GPCPD1: variants seen among roughly 807,000 people sequenced by gnomAD.
The protein encoded by GPCPD1 is glycerophosphocholine phosphodiesterase GPCPD1.
Under a neutral mutation model 89.2 loss-of-function variants are expected in GPCPD1, and 29 were observed. The observed-to-expected ratio is 0.33, with a 90% confidence interval of 0.24 to 0.44. The LOEUF (loss-of-function observed/expected upper bound fraction) is 0.44. Among genes scored for constraint, GPCPD1 ranks in the 20% least tolerant of loss-of-function variants. The probability of loss-of-function intolerance (pLI) is 1.00; values close to 1 mark genes in which losing one functional copy is unlikely to be tolerated. For missense variants in GPCPD1, 594 were observed against 808.9 expected (o/e 0.73, Z 3.22); for synonymous variants, 258 against 266.3 (o/e 0.97, Z 0.30).
chr20:5,579,434 G>A (rs1236063379), intron 7 of GPCPD1, among the ~76,000 whole-genome samples: 7 of 152,016 alleles, frequency 4.6e-5, no homozygotes, highest in African/African-American at 1.7e-4. Flanking sequence ...TGCAACTTCC[G>A]CCTTCCGGGT....
chr20:5,586,821 A>G (rs1354412316), intron 4 of GPCPD1, among the ~76,000 whole-genome samples: 6 of 152,238 alleles, frequency 3.9e-5, no homozygotes, highest in Admixed American at 3.9e-4. Context: ...AGTGAAAAAC[A>G]GGAAGATTTC....
chr20:5,603,244 G>A (rs150966907), intron 2 of GPCPD1, among the ~76,000 whole-genome samples: 8 of 152,212 alleles, frequency 5.3e-5, no homozygotes, highest in African/African-American at 1.9e-4. Context: ...AGTGAGCTGG[G>A]ATCGCATCAC....
intron 3 of GPCPD1, among the ~76,000 whole-genome samples, chr20:5,594,318 C>A (rs1200374297): frequency 6.6e-6 from 1 of 151,478 alleles, no homozygotes; most frequent in Non-Finnish European, 1.5e-5. Flanking sequence ...GAGACGGAGT[C>A]TTGCTCTGTC....
chr20:5,570,187 A>C lies in GPCPD1; in HGVS notation c.1109T>G (p.Val370Gly). ...DVHLSKDFVP[V>G]VYHDLTCCLT... Reference sequence around the variant, plus strand: ...ACAACAGGTAAGATCATGATATACCACGGGCACAAAGTCCTTTGAAAGGTG... The same window carrying C: ...ACAACAGGTAAGATCATGATATACCCCGGGCACAAAGTCCTTTGAAAGGTG... Residue 370 changes from valine (V) to glycine (G), a missense_variant, in exon 12 of 20, where the codon GTG (valine) becomes GGG (glycine). Transcript: ENST00000379019. The C allele has an allele frequency of 6.3e-7, 1 of 1,594,458 alleles. No individual in the cohort carries two copies. Among genetic ancestry groups the C allele is most frequent in the Non-Finnish European group, 8.6e-7 (1 of 1,162,942 alleles).
Position 5,599,889 on chromosome 20 carries a change from T to C in GPCPD1, c.50-1068A>G, listed in dbSNP as rs78274695. On this transcript the variant is annotated intron_variant, in intron 2 of 19. Transcript: ENST00000379019. ...CTTCTTAACTAAGGTAATGTATCAT[T>C]TCTTTTGAACACTTATCAATAGACT... Among the ~76,000 whole-genome samples the C allele has an allele frequency of 9.7e-3, 1,479 of 152,316 alleles. 28 individuals are homozygous for C. The highest frequency in any genetic ancestry group is 0.033 in the African/African-American group (1,390 of 41,568).
intron 11 of GPCPD1, among the ~76,000 whole-genome samples, chr20:5,571,787 T>C (rs900598392): frequency 3.3e-5 from 5 of 152,010 alleles, no homozygotes; most frequent in Admixed American, 1.3e-4. Flanking sequence ...CAAACGCCTG[T>C]AATCTCAGCT....
chr20:5,571,519 A>G (rs1290948190), intron 11 of GPCPD1, among the ~76,000 whole-genome samples: 2 of 152,256 alleles, frequency 1.3e-5, no homozygotes, highest in Admixed American at 1.3e-4. Context: ...AATTAAAATA[A>G]CACATCTGAA....
rs756758424 is a variant in GPCPD1, at chr20:5,575,485, G to A, written c.929C>T (p.Ser310Phe). ...GYSCDMKSSF[S>F]KYWKPRIPLD... ...TGGTATTCTTGGCTTCCAATACTTG[G>A]AAAATGAAGATTTCATGTCACAACT... The change falls in exon 10 of 20, where the codon TCC (serine) becomes TTC (phenylalanine). Residue 310 changes from serine (S) to phenylalanine (F), a missense_variant. Physicochemically the swap from Ser to Phe is radical, Grantham distance 155. Transcript: ENST00000379019. 3.1e-6 allele frequency: 5 copies of A among 1,597,024 alleles called. No individual in the cohort carries two copies. Among genetic ancestry groups the A allele is most frequent in the Non-Finnish European group, 3.4e-6 (4 of 1,164,628 alleles).
At chr20:5,581,959 C>T (rs73596116) in intron 6 of GPCPD1, among the ~76,000 whole-genome samples, 21,245 of 145,990 alleles carry the variant, frequency 0.15, 1,736 homozygotes, top group South Asian at 0.2. Flanking sequence ...CCGAGGCGGG[C>T]GGATCACGAG....
At chr20:5,588,878 T>G (rs929776650) in intron 4 of GPCPD1, among the ~76,000 whole-genome samples, 7 of 151,778 alleles carry the variant, frequency 4.6e-5, no homozygotes, top group African/African-American at 1.7e-4. Context: ...GAATATAATA[T>G]TAAATGTCAA....
intron 8 of GPCPD1, among the ~76,000 whole-genome samples, chr20:5,577,317 G>A (rs1364974182): frequency 3.3e-5 from 5 of 151,350 alleles, no homozygotes; most frequent in African/African-American, 7.3e-5. Flanking sequence ...CACCGCGCCC[G>A]GCCAAAAACG....
At chr20:5,575,644 A>G in intron 9 of GPCPD1, 99 bp from the exon 10 acceptor site, 2 of 923,124 alleles carry the variant, frequency 2.2e-6, no homozygotes, top group South Asian at 3.4e-5. Flanking sequence ...CAGCTTTATC[A>G]GTTTCTGTCA....
Position 5,569,588 on chromosome 20 carries a change from G to A in GPCPD1, c.1149+559C>T, listed in dbSNP as rs557328900. Among the ~76,000 whole-genome samples the A allele has an allele frequency of 5.3e-5, 8 of 151,128 alleles. No homozygotes were observed. In the South Asian group the frequency reaches 6.3e-4, roughly 12 times the overall value. The stretch of plus-strand genomic sequence containing the variant: ...TTTCCTGTAGCCCACATTGCTGCTC[G>A]CCCTGCCTGCAGTCTCTGTCCTCTG... On this transcript the variant is annotated intron_variant, in intron 12 of 19. Transcript: ENST00000379019.
intron 15 of GPCPD1, among the ~76,000 whole-genome samples, chr20:5,564,756 G>A (rs887996417): frequency 9.2e-5 from 14 of 152,084 alleles, no homozygotes; most frequent in African/African-American, 3.1e-4. Context: ...TGGGAGGATC[G>A]CTTGAGCCAA....
intron 19 of GPCPD1, among the ~76,000 whole-genome samples, chr20:5,557,416 A>G (rs1985836645): frequency 6.6e-6 from 1 of 152,228 alleles, no homozygotes; most frequent in Admixed American, 6.5e-5. Flanking sequence ...TGAAGACAGA[A>G]CAAAAAGATT....
chr20:5,593,409 A>C lies in GPCPD1; in HGVS notation c.149T>G (p.Met50Arg). ...GAGTACAATGGTTGCTTTCCATAGC[A>C]TGCTGTGAAGAAAGAAAATTAAAAG... ...LLPENDTGES[M>R]LWKATIVLSR... Residue 50 changes from methionine to arginine, a missense_variant and splice_region_variant, in exon 4 of 20, where the codon ATG becomes AGG. Physicochemically the swap from Met to Arg is moderately conservative, Grantham distance 91. Coordinates refer to ENST00000379019, the MANE Select transcript of GPCPD1 (RefSeq NM_019593.5). 6.4e-7 allele frequency: 1 copy of C among 1,559,074 alleles called. No homozygotes were observed. The highest frequency in any genetic ancestry group is 8.8e-7 in the Non-Finnish European group (1 of 1,131,336).
At chr20:5,585,432 A>G (rs2122717621) in intron 5 of GPCPD1, 1 of 152,232 alleles carries the variant, frequency 6.6e-6, no homozygotes, top group African/African-American at 2.4e-5. Flanking sequence ...TAGAAACTAA[A>G]AGATACATTT....
chr20:5,597,620 A>G lies in GPCPD1; in HGVS notation c.146+1105T>C, dbSNP rs76175400. Among the ~76,000 whole-genome samples the G allele has an allele frequency of 9.8e-3, 1,496 of 152,336 alleles. 27 individuals are homozygous for G. The highest frequency in any genetic ancestry group is 0.034 in the African/African-American group (1,406 of 41,580). On this transcript the variant is annotated intron_variant, in intron 3 of 19. Coordinates refer to ENST00000379019, the MANE Select transcript of GPCPD1 (RefSeq NM_019593.5). ...GCAATCACCTAATCGGGCACTGGAT[A>G]TACTTGTATGCTATTTAGGAAAACC... is the stretch of plus-strand genomic sequence containing the variant.
At position 5,593,353 on chromosome 20, in the gene GPCPD1, A is replaced by G; in HGVS notation, c.205T>C (p.Phe69Leu). 1 of 1,584,308 alleles carries G rather than the reference A, an allele frequency of 6.3e-7. No homozygotes were observed. The highest frequency in any genetic ancestry group is 2.2e-5 in the East Asian group (1 of 44,706). Residue 69 changes from phenylalanine (F) to leucine (L), a missense_variant, in exon 4 of 20, where the codon TTC becomes CTC. By Grantham distance (22) the Phe-to-Leu change is conservative. Coordinates refer to ENST00000379019, the MANE Select transcript of GPCPD1 (RefSeq NM_019593.5). ...SRGVSVQYRY[F>L]KGYFLEPKTI... is the part of the protein sequence containing the mutation. ...TTTGGTTCTAAAAAGTACCCTTTGA[A>G]GTAGCGATACTGAACTGATACTCCT...
Sources: gnomAD v4.1 joint callset for allele counts (sites outside exome capture counted in the v4.1 genomes callset) on GRCh38, gnomAD v4.1.1 for gene constraint, MANE v1.5 for transcripts, NCBI Gene and HGNC (gene_info 2026-07-23, HGNC 2026-07-21) for gene names.